Variants in PLEKHM3 observed in about 807,000 individuals in gnomAD.
PLEKHM3 encodes the protein pleckstrin homology domain containing M3, also known as pleckstrin homology domain-containing family M member 3.
PLEKHM3 carries 45 observed loss-of-function variants against 81.8 expected under a neutral mutation model. That is an observed-to-expected ratio of 0.55 (90% CI 0.43 to 0.71). The LOEUF (loss-of-function observed/expected upper bound fraction) is 0.71. PLEKHM3 is among the 30% of genes least tolerant of loss of function. The pLI is 0.00. For synonymous variants in PLEKHM3, 352 were observed against 356.4 expected (o/e 0.99, Z 0.14); for missense variants, 788 against 924.3 (o/e 0.85, Z 1.91).
intron 5 of PLEKHM3, among the ~76,000 whole-genome samples, chr2:207,913,976 CA>C (rs1461207768): frequency 6.6e-6 from 1 of 151,990 alleles, no homozygotes; most frequent in Non-Finnish European, 1.5e-5. Context: ...TGCGTGCGCA[CA>C]CGCGCACACA....
At chr2:207,880,636 G>A (rs1270165198) in intron 6 of PLEKHM3, among the ~76,000 whole-genome samples, 7 of 147,160 alleles carry the variant, frequency 4.8e-5, no homozygotes, top group Non-Finnish European at 9.0e-5. Flanking sequence ...GTTGGCGGGC[G>A]CCTGTAGTCC....
intron 7 of PLEKHM3, among the ~76,000 whole-genome samples, chr2:207,855,403 T>C (rs1159499232): frequency 6.6e-6 from 1 of 151,956 alleles, no homozygotes; most frequent in Non-Finnish European, 1.5e-5. Context: ...CTGATATAAA[T>C]AAACAACTAA....
At chr2:207,981,678 C>T (rs563878985) in intron 2 of PLEKHM3, among the ~76,000 whole-genome samples, 1 of 152,130 alleles carries the variant, frequency 6.6e-6, no homozygotes, top group South Asian at 2.1e-4. Context: ...TTGCTACTGA[C>T]AAATCAGAAG....
chr2:207,999,707 G>A (rs1479818164), intron 2 of PLEKHM3, among the ~76,000 whole-genome samples: 1 of 152,190 alleles, frequency 6.6e-6, no homozygotes, highest in African/African-American at 2.4e-5. Context: ...GAGAGCCTAC[G>A]AGAGAAGACA....
chr2:208,007,089 A>C (rs1010492226), intron 1 of PLEKHM3, among the ~76,000 whole-genome samples: 1 of 152,176 alleles, frequency 6.6e-6, no homozygotes, highest in African/African-American at 2.4e-5. Context: ...CCTCCCTCTT[A>C]GCTAAGTGAC....
At chr2:207,889,434 AACACACACACACACACACAC>A (rs35082335) in intron 6 of PLEKHM3, among the ~76,000 whole-genome samples, 34,371 of 129,214 alleles carry the variant, frequency 0.27, 4,303 homozygotes, top group Middle Eastern at 0.37. Flanking sequence ...GGTTTTTTTC[AACACACACACACACACACAC>A]ACACACACAC....
chr2:207,997,335 C>T (rs535960410), intron 2 of PLEKHM3, among the ~76,000 whole-genome samples: 6 of 152,154 alleles, frequency 3.9e-5, no homozygotes, highest in African/African-American at 1.4e-4. Flanking sequence ...GACGCAGAGG[C>T]CCTACCTGAT....
rs539539340 is a variant in PLEKHM3 at position 207,955,638 on chromosome 2, A to G, written c.1547-9126T>C. Among the ~76,000 whole-genome samples the G allele has an allele frequency of 2.0e-5, 3 of 152,342 alleles. No homozygotes were observed. In the South Asian group the frequency reaches 6.2e-4, roughly 32 times the overall value. ...AATAAGAAACTGAGGCAGAAGATGA[A>G]AAAGTAATTCTGTCCACTGTTGTAC... On this transcript the variant is annotated intron_variant, in intron 3 of 7. Coordinates refer to ENST00000427836, the MANE Select transcript of PLEKHM3 (RefSeq NM_001080475.3).
intron 6 of PLEKHM3, among the ~76,000 whole-genome samples, chr2:207,865,653 G>A (rs1270894247): frequency 6.7e-6 from 1 of 150,334 alleles, no homozygotes; most frequent in Non-Finnish European, 1.5e-5. Context: ...GGTGGTGTAT[G>A]CCTGTAATCG....
chr2:208,022,702 T>C (rs1693166713), intron 1 of PLEKHM3, among the ~76,000 whole-genome samples: 1 of 152,184 alleles, frequency 6.6e-6, no homozygotes, highest in Non-Finnish European at 1.5e-5. Flanking sequence ...GTCTCTCCAA[T>C]TTCCCAGACA....
intron 7 of PLEKHM3, among the ~76,000 whole-genome samples, chr2:207,860,151 C>CTGTG (rs55739776): frequency 0.089 from 9,802 of 110,562 alleles, 550 homozygotes; most frequent in Middle Eastern, 0.11. Flanking sequence ...AACTCTGCCT[C>CTGTG]TGTGTGTGTG....
Position 207,865,801 on chromosome 2 carries a change from A to AAAAAAAT in PLEKHM3, c.1951-4540_1951-4539insATTTTTT. ...CGACTCAAAAAAAAAAAAAAAAAAA[A>AAAAAAAT]AGATATATATATATATATATATATA... On this transcript the variant is annotated intron_variant, in intron 6 of 7. Transcript: ENST00000427836. 1.3e-3 allele frequency among the ~76,000 whole-genome samples: 34 copies of AAAAAAAT among 25,270 alleles called. 1 individual carries two copies. The highest frequency in any genetic ancestry group is 1.7e-3 in the African/African-American group (8 of 4,790). 16.6% of individuals were successfully genotyped at this position (25,270 alleles called of 152,430 possible).
At chr2:207,920,232 T>C (rs1689135646) in intron 5 of PLEKHM3, among the ~76,000 whole-genome samples, 1 of 152,224 alleles carries the variant, frequency 6.6e-6, no homozygotes, top group African/African-American at 2.4e-5. Flanking sequence ...GGACTAAACC[T>C]GACAAACATG....
chr2:207,958,499 A>G (rs1690596741), intron 3 of PLEKHM3, among the ~76,000 whole-genome samples: 1 of 152,180 alleles, frequency 6.6e-6, no homozygotes, highest in African/African-American at 2.4e-5. Context: ...GATTCTCTAT[A>G]TATTCTCCTG....
chr2:207,902,921 G>A (rs17537352), intron 6 of PLEKHM3, among the ~76,000 whole-genome samples: 4,810 of 148,778 alleles, frequency 0.032, 102 homozygotes, highest in Middle Eastern at 0.094. Context: ...GTGTAAGTGT[G>A]TATTGCTTTA....
intron 6 of PLEKHM3, among the ~76,000 whole-genome samples, chr2:207,874,816 T>C (rs1320979012): frequency 3.3e-5 from 5 of 151,854 alleles, no homozygotes; most frequent in Non-Finnish European, 7.4e-5. Context: ...GGTCTTGAAC[T>C]CCTGACCTCA....
At chr2:207,893,113 C>A (rs1241398360) in intron 6 of PLEKHM3, among the ~76,000 whole-genome samples, 1 of 143,212 alleles carries the variant, frequency 7.0e-6, no homozygotes, top group Non-Finnish European at 1.6e-5. Flanking sequence ...AAAGCAGCAG[C>A]CAGTTGGAAA....
At chr2:207,923,564 A>C (rs1689258343) in intron 5 of PLEKHM3, among the ~76,000 whole-genome samples, 1 of 151,866 alleles carries the variant, frequency 6.6e-6, no homozygotes, top group South Asian at 2.1e-4. Flanking sequence ...CCGAGATGGC[A>C]CCATTGCACT....
At position 207,827,017 on chromosome 2, in the gene PLEKHM3, ATC is replaced by A. The variant is rs1361178195; in HGVS notation, c.*1300_*1301del. ...CACTACCTGCCAAATAGCAAAGCAG[ATC>A]TCTTTCTTACTCCTATTATTTATTT... On this transcript the variant is annotated 3_prime_UTR_variant, in exon 8 of 8. Transcript: ENST00000427836. 7 of 152,220 alleles carry A rather than the reference ATC, an allele frequency of 4.6e-5. No individual in the cohort carries two copies. Among genetic ancestry groups the A allele is most frequent in the Admixed American group, 1.3e-4 (2 of 15,284 alleles). The allele number at this position is 152,220 out of a possible 1,614,324, so 9.4% of individuals were successfully genotyped here.
Sources: allele counts gnomAD v4.1 joint callset (sites outside exome capture counted in the v4.1 genomes callset), GRCh38; gene constraint gnomAD v4.1.1; transcripts MANE v1.5; gene names NCBI Gene and HGNC (gene_info 2026-07-23, HGNC 2026-07-21).